Variants in ACAP2 observed in about 807,000 individuals in gnomAD.
ACAP2 encodes ArfGAP with coiled-coil, ankyrin repeat and PH domains 2.
A neutral mutation model predicts 115.8 loss-of-function variants in ACAP2; 39 were observed. The ratio of observed to expected loss-of-function variants is 0.34; its 90% CI spans 0.26 to 0.44. The LOEUF (loss-of-function observed/expected upper bound fraction) is 0.44. Ranked by LOEUF, ACAP2 falls within the 20% of genes least tolerant of loss-of-function variation. ACAP2 has a pLI of 1.00. For synonymous variants in ACAP2, 289 were observed against 315.8 expected, an observed-to-expected ratio of 0.92 and a Z score of 0.90; for missense variants, 662 against 927.6, an observed-to-expected ratio of 0.71 and a Z score of 3.72.
chr3:195,381,555 C>T (rs1199474860), intron 3 of ACAP2, among the ~76,000 whole-genome samples: 1 of 152,164 alleles, frequency 6.6e-6, no homozygotes, highest in Non-Finnish European at 1.5e-5. Flanking sequence ...TAGGTTAATG[C>T]TCTCTGCGTG....
At chr3:195,352,912 C>T (rs184807297) in intron 4 of ACAP2, among the ~76,000 whole-genome samples, 193 of 152,170 alleles carry the variant, frequency 1.3e-3, no homozygotes, top group African/African-American at 4.5e-3. Flanking sequence ...GAAACCCCAA[C>T]TCTACTAAAA....
intron 6 of ACAP2, among the ~76,000 whole-genome samples, chr3:195,338,041 AGGCT>A (rs1730630952): frequency 2.0e-5 from 3 of 151,122 alleles, no homozygotes; most frequent in Admixed American, 6.6e-5. Flanking sequence ...GATGGGTATC[AGGCT>A]ATCTCCTACC....
intron 1 of ACAP2, among the ~76,000 whole-genome samples, chr3:195,434,758 A>G (rs539504818): frequency 3.3e-5 from 5 of 152,356 alleles, no homozygotes; most frequent in African/African-American, 1.2e-4. Flanking sequence ...CTGAATATCA[A>G]TTAAATCTCT....
chr3:195,292,660 G>A (rs914025664), intron 18 of ACAP2, among the ~76,000 whole-genome samples: 5 of 152,048 alleles, frequency 3.3e-5, no homozygotes, highest in Non-Finnish European at 7.4e-5. Flanking sequence ...GGTGGCTCAC[G>A]CCTGCAATCC....
At chr3:195,398,637 C>CTAAA (rs55788907) in intron 1 of ACAP2, among the ~76,000 whole-genome samples, 43,876 of 142,602 alleles carry the variant, frequency 0.31, 6,911 homozygotes, top group East Asian at 0.48. Context: ...AACTCCAACT[C>CTAAA]TAAATAAATA....
At chr3:195,386,013 T>C (rs558198494) in intron 2 of ACAP2, among the ~76,000 whole-genome samples, 2 of 152,330 alleles carry the variant, frequency 1.3e-5, no homozygotes, top group Admixed American at 6.5e-5. Flanking sequence ...AACTGATGAA[T>C]GGATAAACAA....
At chr3:195,350,396 A>C (rs1407391759) in intron 4 of ACAP2, among the ~76,000 whole-genome samples, 1 of 152,166 alleles carries the variant, frequency 6.6e-6, no homozygotes, top group Non-Finnish European at 1.5e-5. Flanking sequence ...ACAGTGGCTC[A>C]CGTCTGTAAT....
intron 15 of ACAP2, among the ~76,000 whole-genome samples, chr3:195,299,233 A>T (rs190632087): frequency 2.7e-4 from 41 of 152,240 alleles, no homozygotes; most frequent in Non-Finnish European, 5.1e-4. Flanking sequence ...ATGGGAAAGG[A>T]AAGGATTTTT....
At chr3:195,412,821 C>T (rs1560344547) in intron 1 of ACAP2, 3 of 431,518 alleles carry the variant, frequency 7.0e-6, no homozygotes, top group Admixed American at 2.6e-5. Context: ...TTTGTTTCCT[C>T]ATAAAAAATT....
At chr3:195,417,735 C>T (rs1369779699) in intron 1 of ACAP2, among the ~76,000 whole-genome samples, 1 of 152,024 alleles carries the variant, frequency 6.6e-6, no homozygotes, top group East Asian at 1.9e-4. Context: ...ATTACCTGAG[C>T]CCAGGAGTTC....
At chr3:195,407,266 G>A (rs1297533103) in intron 1 of ACAP2, among the ~76,000 whole-genome samples, 1 of 151,164 alleles carries the variant, frequency 6.6e-6, no homozygotes, top group Non-Finnish European at 1.5e-5. Context: ...GGGAAACTGA[G>A]GTGGGAGGAT....
At chr3:195,422,916 T>A (rs1295672482) in intron 1 of ACAP2, among the ~76,000 whole-genome samples, 1 of 152,042 alleles carries the variant, frequency 6.6e-6, no homozygotes, top group East Asian at 1.9e-4. Context: ...TCCAATGATA[T>A]GATGAATTAA....
intron 22 of ACAP2, chr3:195,285,479 A>G (rs1338048636): frequency 3.9e-6 from 1 of 259,016 alleles, no homozygotes. Context: ...TTACCATTCC[A>G]TTCATTTCAC....
intron 18 of ACAP2, among the ~76,000 whole-genome samples, chr3:195,294,130 C>T (rs977100323): frequency 6.6e-6 from 1 of 151,790 alleles, no homozygotes; most frequent in African/African-American, 2.4e-5. Context: ...CAGAGCAAGA[C>T]TCCATCTCAA....
intron 1 of ACAP2, among the ~76,000 whole-genome samples, chr3:195,437,360 C>G (rs1403400672): frequency 6.6e-6 from 1 of 152,132 alleles, no homozygotes; most frequent in African/African-American, 2.4e-5. Context: ...GAAATTAAAG[C>G]CTTTGGCTTA....
intron 19 of ACAP2, 34 bp downstream of exon 19, chr3:195,292,231 T>C: frequency 6.6e-7 from 1 of 1,520,892 alleles, no homozygotes; most frequent in East Asian, 2.3e-5. Flanking sequence ...AAATATTTGA[T>C]TGCTACTGAA....
At chr3:195,425,510 C>T (rs926544475) in intron 1 of ACAP2, among the ~76,000 whole-genome samples, 1 of 152,128 alleles carries the variant, frequency 6.6e-6, no homozygotes, top group Non-Finnish European at 1.5e-5. Context: ...AATAAAAAGA[C>T]ATGGTGGTCT....
At chr3:195,439,733 T>TCAAGATGAACTGC (rs1715862114) in intron 1 of ACAP2, among the ~76,000 whole-genome samples, 1 of 152,042 alleles carries the variant, frequency 6.6e-6, no homozygotes, top group Admixed American at 6.6e-5. Flanking sequence ...TTCAAGCAGT[T>TCAAGATGAACTGC]CTCATGCCTC....
intron 2 of ACAP2, among the ~76,000 whole-genome samples, chr3:195,390,030 T>C (rs1239312492): frequency 6.6e-6 from 1 of 152,160 alleles, no homozygotes; most frequent in Non-Finnish European, 1.5e-5. Context: ...ATCCCGTCTC[T>C]ACTAAAATAC....
Sources: allele counts gnomAD v4.1 joint callset (sites outside exome capture counted in the v4.1 genomes callset), GRCh38; gene constraint gnomAD v4.1.1; transcripts MANE v1.5; gene names NCBI Gene and HGNC (gene_info 2026-07-23, HGNC 2026-07-21).